MALRD1: variants seen among roughly 807,000 people sequenced by gnomAD.
MALRD1 encodes MAM and LDL-receptor class A domain-containing protein 1.
A neutral mutation model predicts 242.1 loss-of-function variants in MALRD1; 247 were observed. The ratio of observed to expected loss-of-function variants is 1.02; its 90% CI spans 0.92 to 1.13. MALRD1 has a LOEUF of 1.13. Among genes scored for constraint, MALRD1 ranks in the 50% most tolerant of loss-of-function variants. The probability of loss-of-function intolerance (pLI) is 0.00; values close to 1 mark genes in which losing one functional copy is unlikely to be tolerated. For synonymous variants in MALRD1, 995 were observed against 866.6 expected (o/e 1.15, Z -2.60); for missense variants, 2,989 against 2,533.1 (o/e 1.18, Z -3.86).
At chr10:19,281,536 C>A (rs1840810603) in intron 20 of MALRD1, among the ~76,000 whole-genome samples, 1 of 151,972 alleles carries the variant, frequency 6.6e-6, no homozygotes, top group Non-Finnish European at 1.5e-5. Flanking sequence ...TAATTTTGAA[C>A]AAATATAAAT....
intron 1 of MALRD1, among the ~76,000 whole-genome samples, chr10:19,055,870 G>A (rs567063168): frequency 6.6e-6 from 1 of 152,134 alleles, no homozygotes; most frequent in Non-Finnish European, 1.5e-5. Context: ...GGTGGGTGAG[G>A]ATCGAAAAAC....
chr10:19,534,610 C>T (rs955323248), intron 32 of MALRD1, among the ~76,000 whole-genome samples: 3 of 151,928 alleles, frequency 2.0e-5, no homozygotes, highest in African/African-American at 7.3e-5. Context: ...AAAACAAGTC[C>T]TTTTTCCCCC....
At chr10:19,382,112 G>A (rs751331228) in intron 26 of MALRD1, among the ~76,000 whole-genome samples, 15 of 152,038 alleles carry the variant, frequency 9.9e-5, no homozygotes, top group East Asian at 1.9e-4. Flanking sequence ...TCTCTTAAAC[G>A]CTGCCTGGCT....
chr10:19,539,897 T>TGTGCGCGCGCGC (rs1365113182), intron 32 of MALRD1, among the ~76,000 whole-genome samples: 1 of 44,418 alleles, frequency 2.3e-5, no homozygotes, highest in East Asian at 7.8e-4. Flanking sequence ...TGTGTGTGTG[T>TGTGCGCGCGCGC]GCGCGCGCGC....
intron 36 of MALRD1, among the ~76,000 whole-genome samples, chr10:19,665,156 G>A (rs1434807156): frequency 1.3e-5 from 2 of 152,120 alleles, no homozygotes; most frequent in African/African-American, 2.4e-5. Context: ...GGAGAGCTCC[G>A]TGATGAGTAA....
At chr10:19,061,504 A>G (rs1183145538) in intron 1 of MALRD1, among the ~76,000 whole-genome samples, 1 of 152,166 alleles carries the variant, frequency 6.6e-6, no homozygotes, top group Admixed American at 6.5e-5. Flanking sequence ...TACCTGGGAA[A>G]AGAAGAAAGT....
intron 32 of MALRD1, among the ~76,000 whole-genome samples, chr10:19,544,004 C>T (rs1451235861): frequency 1.3e-5 from 2 of 152,012 alleles, no homozygotes; most frequent in African/African-American, 2.4e-5. Context: ...CTATTATAAA[C>T]ACTATATGGC....
intron 31 of MALRD1, among the ~76,000 whole-genome samples, chr10:19,521,699 A>T (rs1324790611): frequency 1.3e-5 from 2 of 152,138 alleles, no homozygotes; most frequent in Non-Finnish European, 2.9e-5. Flanking sequence ...TAAAATTGTA[A>T]CAACCTGATT....
chr10:19,711,232 T>C (rs1372219491), intron 38 of MALRD1: 2 of 152,244 alleles, frequency 1.3e-5, no homozygotes, highest in Non-Finnish European at 2.9e-5. Flanking sequence ...GTTTATTGTG[T>C]TGGGTTTTCA....
At chr10:19,298,104 C>T (rs1262971287) in intron 21 of MALRD1, among the ~76,000 whole-genome samples, 2 of 151,860 alleles carry the variant, frequency 1.3e-5, no homozygotes, top group South Asian at 2.1e-4. Flanking sequence ...GCATGGTGCC[C>T]GCATCTGCTC....
intron 26 of MALRD1, among the ~76,000 whole-genome samples, chr10:19,373,203 C>CAAAAAAAAAAAAAAAAAA (rs374095193): frequency 0.014 from 1,564 of 114,406 alleles, 33 homozygotes; most frequent in Non-Finnish European, 0.02. Flanking sequence ...ACGCTAAATA[C>CAAAAAAAAAAAAAAAAAA]AAAAAAAAAA....
chr10:19,392,075 A>G (rs1003817365), intron 28 of MALRD1, among the ~76,000 whole-genome samples: 2 of 152,246 alleles, frequency 1.3e-5, no homozygotes, highest in Non-Finnish European at 2.9e-5. Flanking sequence ...ACAATAATTA[A>G]TTGGTAGCCT....
chr10:19,386,707 AATACAT>A (rs971738727), intron 26 of MALRD1, among the ~76,000 whole-genome samples: 3 of 112,034 alleles, frequency 2.7e-5, no homozygotes, highest in Admixed American at 9.8e-5. Flanking sequence ...TACACACACA[AATACAT>A]ATACATATAC....
At chr10:19,058,688 T>G (rs1258650380) in intron 1 of MALRD1, among the ~76,000 whole-genome samples, 2 of 152,106 alleles carry the variant, frequency 1.3e-5, no homozygotes, top group African/African-American at 4.8e-5. Context: ...TACATTTTTC[T>G]TTCATACAAA....
chr10:19,488,428 A>C (rs749493419), intron 29 of MALRD1, among the ~76,000 whole-genome samples: 8 of 152,162 alleles, frequency 5.3e-5, no homozygotes, highest in Non-Finnish European at 1.2e-4. Flanking sequence ...ATAGGAATAA[A>C]AGGGTACTTA....
chr10:19,209,048 C>T (rs577813466), intron 17 of MALRD1, among the ~76,000 whole-genome samples: 113 of 152,132 alleles, frequency 7.4e-4, no homozygotes, highest in African/African-American at 2.3e-3. Context: ...CAAAGCAATT[C>T]CATCTTTAGT....
At chr10:19,718,686 G>T (rs1048089617) in intron 38 of MALRD1, among the ~76,000 whole-genome samples, 19 of 152,086 alleles carry the variant, frequency 1.2e-4, no homozygotes, top group African/African-American at 4.1e-4. Context: ...GACTTGAAAA[G>T]GTTGAATAAT....
At chr10:19,433,154 C>T (rs1370110058) in intron 28 of MALRD1, among the ~76,000 whole-genome samples, 2 of 152,026 alleles carry the variant, frequency 1.3e-5, no homozygotes, top group East Asian at 3.9e-4. Context: ...GTTATCATAC[C>T]AGGGAAAACT....
At chr10:19,069,034 GA>G in intron 2 of MALRD1, among the ~76,000 whole-genome samples, 1 of 152,048 alleles carries the variant, frequency 6.6e-6, no homozygotes, top group East Asian at 1.9e-4. Flanking sequence ...TAAGGATGGT[GA>G]AACTGCCTTT....
Sources: allele counts gnomAD v4.1 joint callset (sites outside exome capture counted in the v4.1 genomes callset), GRCh38; gene constraint gnomAD v4.1.1; transcripts MANE v1.5; gene names NCBI Gene and HGNC (gene_info 2026-07-23, HGNC 2026-07-21).